Variants in SERINC5 observed in about 807,000 individuals in gnomAD.
SERINC5 encodes chromosome 5 open reading frame 12.
In SERINC5, 41 loss-of-function variants were observed where a neutral mutation model predicts 63.1. The ratio of observed to expected loss-of-function variants is 0.65; its 90% confidence interval spans 0.51 to 0.84. The LOEUF (loss-of-function observed/expected upper bound fraction) is 0.84, where lower values mean the gene tolerates loss of function less well. Ranked by LOEUF, SERINC5 falls within the 40% of genes least tolerant of loss-of-function variation. The pLI, the probability that SERINC5 is intolerant of heterozygous loss-of-function variation, is 0.00. For synonymous variants in SERINC5, 222 were observed against 215.2 expected, an observed-to-expected ratio of 1.03 and a Z score of -0.28; for missense variants, 523 against 573.0, an observed-to-expected ratio of 0.91 and a Z score of 0.89.
At chr5:80,189,814 C>T (rs554689415) in intron 2 of SERINC5, among the ~76,000 whole-genome samples, 102 of 152,242 alleles carry the variant, frequency 6.7e-4, no homozygotes, top group Middle Eastern at 3.4e-3. Flanking sequence ...TAGACGCAAG[C>T]CATCCTCCCA....
intron 11 of SERINC5, among the ~76,000 whole-genome samples, chr5:80,127,006 C>T (rs543535401): frequency 6.6e-6 from 1 of 152,260 alleles, no homozygotes; most frequent in Non-Finnish European, 1.5e-5. Flanking sequence ...AACACCCAGA[C>T]ACAATCACAA....
chr5:80,137,612 C>T (rs901745368), downstream of SERINC5, among the ~76,000 whole-genome samples: 8 of 136,960 alleles, frequency 5.8e-5, no homozygotes, highest in African/African-American at 2.2e-4. Context: ...CACTGCACTC[C>T]AGCTTGGGCG....
At chr5:80,161,194 A>G (rs967491252) in intron 7 of SERINC5, among the ~76,000 whole-genome samples, 1 of 151,794 alleles carries the variant, frequency 6.6e-6, no homozygotes, top group African/African-American at 2.4e-5. Flanking sequence ...ATAATGATTT[A>G]TTTTCCTTTT....
rs992407602 is a variant in SERINC5 at position 80,140,625 on chromosome 5, A to G, written c.*3038T>C. 2 of 985,314 alleles carry G rather than the reference A, an allele frequency of 2.0e-6. No homozygotes were observed. Among genetic ancestry groups the G allele is most frequent in the Non-Finnish European group, 1.2e-6 (1 of 829,892 alleles). The allele number at this position is 985,314 out of a possible 1,614,324, so 61.0% of individuals were successfully genotyped here. On this transcript the variant is annotated 3_prime_UTR_variant, in exon 12 of 12. Coordinates refer to ENST00000507668, the MANE Select transcript of SERINC5 (RefSeq NM_001174072.3). The stretch of plus-strand genomic sequence containing the variant: ...CCAATCAGTATTTAAAAAGCTAGAC[A>G]CAGTAAAGACGTGGTTGGGTTTCTG...
intron 1 of SERINC5, among the ~76,000 whole-genome samples, chr5:80,232,190 GT>G (rs1751473725): frequency 6.6e-6 from 1 of 150,926 alleles, no homozygotes. Context: ...AGATCACGAG[GT>G]CAGGAGATCA....
intron 1 of SERINC5, among the ~76,000 whole-genome samples, chr5:80,215,155 C>A (rs547592239): frequency 1.6e-4 from 25 of 152,194 alleles, no homozygotes; most frequent in Non-Finnish European, 3.1e-4. Flanking sequence ...CAGATGACTG[C>A]ATCATGGGGG....
rs564718081 is a variant in SERINC5 at position 80,221,193 on chromosome 5, AAAATAAAT to A, written c.28-18148_28-18141del. Among the ~76,000 whole-genome samples, 4 of 152,184 alleles carry A rather than the reference AAAATAAAT, an allele frequency of 2.6e-5. No homozygotes were observed. The South Asian group carries it at 6.2e-4, about 24-fold the overall frequency. On this transcript the variant is annotated intron_variant, in intron 1 of 11. Transcript: ENST00000507668. ...AAGCAGAACTGGAGCCTGCAGGGTAAAAATAAATAAATAAATAAATAAATAAACCTTCC... is the reference window on the plus strand; with the variant it reads ...AAGCAGAACTGGAGCCTGCAGGGTAAAAATAAATAAATAAATAAACCTTCC...
chr5:80,146,805 G>A (rs1561366790), intron 10 of SERINC5, among the ~76,000 whole-genome samples: 2 of 152,120 alleles, frequency 1.3e-5, no homozygotes, highest in Admixed American at 6.5e-5. Context: ...CCTTAAAGAC[G>A]TAAAACTTAC....
In SERINC5 at chr5:80,177,301, T is replaced by TA; in HGVS notation, c.457+13dup. The stretch of plus-strand genomic sequence containing the variant: ...AAACAAAATAAACAGATACCCAAAA[T>TA]ACCCCATTAGTACCGTTCAGAAAGG... On this transcript the variant is annotated intron_variant, in intron 4 of 11. Coordinates refer to ENST00000507668, the MANE Select transcript of SERINC5 (RefSeq NM_001174072.3). 6.3e-7 allele frequency: 1 copy of TA among 1,585,606 alleles called. No homozygotes were observed. Among genetic ancestry groups the TA allele is most frequent in the East Asian group, 2.2e-5 (1 of 44,518 alleles).
At chr5:80,249,981 T>G (rs1752333144) in intron 1 of SERINC5, among the ~76,000 whole-genome samples, 2 of 152,186 alleles carry the variant, frequency 1.3e-5, no homozygotes, top group African/African-American at 2.4e-5. Context: ...TTGGATCCCT[T>G]CCAGTGGAAG....
rs1554057301 is a variant in SERINC5 at position 80,122,212 on chromosome 5, T to TAA, written c.1239-8589_1239-8588dup. Among the ~76,000 whole-genome samples the TAA allele has an allele frequency of 1.5e-4, 21 of 142,600 alleles. 3 individuals carry two copies. Among genetic ancestry groups the TAA allele is most frequent in the African/African-American group, 5.7e-4 (20 of 35,236 alleles). 93.6% of individuals were successfully genotyped at this position (142,600 alleles called of 152,430 possible). A position where few individuals can be genotyped will look rare whatever the true frequency, so the allele number is the denominator to read the frequency against. ...AGAACTAATAGTATATATATATATA[T>TAA]AATATGAGTTTATTAAATATTAGCT... is the stretch of plus-strand genomic sequence containing the variant. On this transcript the variant is annotated intron_variant, in intron 11 of 12. Transcript: ENST00000509193.
At chr5:80,212,665 T>TGGGGGGGGGGGGGGG (rs752075084) in intron 1 of SERINC5, among the ~76,000 whole-genome samples, 2 of 50,200 alleles carry the variant, frequency 4.0e-5, no homozygotes, top group African/African-American at 1.6e-4. Flanking sequence ...AGTGGTGGGG[T>TGGGGGGGGGGGGGGG]GGGGGGGGGG....
At position 80,139,656 on chromosome 5, in the gene SERINC5, C is replaced by CAA. The variant is rs1459496279; in HGVS notation, c.*4005_*4006dup. The CAA allele has an allele frequency of 4.1e-6, 4 of 983,756 alleles. No homozygotes were observed. Among genetic ancestry groups the CAA allele is most frequent in the African/African-American group, 1.8e-5 (1 of 55,820 alleles). The allele number at this position is 983,756 out of a possible 1,614,324, so 60.9% of individuals were successfully genotyped here. On this transcript the variant is annotated 3_prime_UTR_variant, in exon 12 of 12. Transcript: ENST00000507668. ...GAACAGCTCTCCAGTACTGTGAAGT[C>CAA]AAAGGCCCAACATTACAGAGCGCAC...
At chr5:80,201,379 C>T (rs1749825997) in intron 2 of SERINC5, among the ~76,000 whole-genome samples, 2 of 152,210 alleles carry the variant, frequency 1.3e-5, no homozygotes, top group African/African-American at 2.4e-5. Flanking sequence ...CAAGGGAACA[C>T]GCCTGCTGCT....
intron 1 of SERINC5, among the ~76,000 whole-genome samples, chr5:80,214,552 T>TG (rs1554069221): frequency 2.5e-5 from 3 of 119,078 alleles, no homozygotes; most frequent in African/African-American, 8.2e-5. Flanking sequence ...ATTGAGGCAT[T>TG]AAAAAAACAA....
chr5:80,236,631 T>A (rs1420215820), intron 1 of SERINC5, among the ~76,000 whole-genome samples: 7 of 151,286 alleles, frequency 4.6e-5, no homozygotes, highest in Non-Finnish European at 7.4e-5. Context: ...GTTCAAGCAA[T>A]TCTCCTGCCT....
chr5:80,116,737 G>GA, intron 11 of SERINC5, among the ~76,000 whole-genome samples: 1 of 152,058 alleles, frequency 6.6e-6, no homozygotes, highest in East Asian at 1.9e-4. Flanking sequence ...CCTGGAGGGG[G>GA]ATGTCCTACA....
At chr5:80,170,127 A>G (rs1487313745) in intron 5 of SERINC5, among the ~76,000 whole-genome samples, 3 of 152,200 alleles carry the variant, frequency 2.0e-5, no homozygotes, top group Non-Finnish European at 2.9e-5. Flanking sequence ...GAGTAAAGGA[A>G]GAGTTAATTA....
rs747016189 is a variant in SERINC5, at chr5:80,142,326, C to G, written c.*1337G>C. The G allele has an allele frequency of 1.5e-5, 14 of 960,736 alleles. No homozygotes were observed. Among genetic ancestry groups the G allele is most frequent in the African/African-American group, 1.8e-5 (1 of 56,656 alleles). The allele number at this position is 960,736 out of a possible 1,614,324, so 59.5% of individuals were successfully genotyped here. A position where few individuals can be genotyped will look rare whatever the true frequency, so the allele number is the denominator to read the frequency against. ...TCGGCTCACTGCAACCTCCGCCTCCCGGGTTCAAGTGATTCTCATGCCTCA... is the reference window on the plus strand; with the variant it reads ...TCGGCTCACTGCAACCTCCGCCTCCGGGGTTCAAGTGATTCTCATGCCTCA... On this transcript the variant is annotated 3_prime_UTR_variant, in exon 12 of 12. Coordinates refer to ENST00000507668, the MANE Select transcript of SERINC5 (RefSeq NM_001174072.3).
Sources: gnomAD v4.1 joint callset for allele counts (sites outside exome capture counted in the v4.1 genomes callset) on GRCh38, gnomAD v4.1.1 for gene constraint, MANE v1.5 for transcripts, NCBI Gene and HGNC (gene_info 2026-07-23, HGNC 2026-07-21) for gene names.